LGI2: variants seen among roughly 807,000 people sequenced by gnomAD.
LGI2 encodes the protein leucine-rich repeat LGI family member 2.
Under a neutral mutation model 52.0 loss-of-function variants are expected in LGI2, and 30 were observed. That is an observed-to-expected ratio of 0.58 (90% CI 0.43 to 0.78). LGI2 has a LOEUF of 0.78. Ranked by LOEUF, LGI2 falls within the 30% of genes least tolerant of loss-of-function variation. The pLI, the probability that LGI2 is intolerant of heterozygous loss-of-function variation, is 0.00. For synonymous variants in LGI2, 270 were observed against 271.8 expected (o/e 0.99, Z 0.06); for missense variants, 573 against 692.5 (o/e 0.83, Z 1.94).
chr4:24,996,637 C>G (rs1003759120), downstream of LGI2, among the ~76,000 whole-genome samples: 1 of 152,190 alleles, frequency 6.6e-6, no homozygotes, highest in Non-Finnish European at 1.5e-5. Context: ...GCAGCCCACA[C>G]CACCTTGGAA....
intron 1 of LGI2, among the ~76,000 whole-genome samples, chr4:25,029,837 C>CA (rs1560296598): frequency 1.3e-5 from 2 of 152,238 alleles, no homozygotes; most frequent in African/African-American, 2.4e-5. Context: ...CAACATGCCC[C>CA]AAACCTCTGC....
At chr4:25,014,492 A>C (rs1168915552) in intron 6 of LGI2, among the ~76,000 whole-genome samples, 1 of 134,896 alleles carries the variant, frequency 7.4e-6, no homozygotes, top group Non-Finnish European at 1.6e-5. Context: ...GCCAAAAAAA[A>C]GGAAGGAGAA....
chr4:25,015,523 T>G (rs1346480135), intron 6 of LGI2, among the ~76,000 whole-genome samples: 2 of 152,134 alleles, frequency 1.3e-5, no homozygotes, highest in Non-Finnish European at 2.9e-5. Context: ...CCTTCCTCTC[T>G]CTGGGAAAAA....
chr4:25,015,607 A>G (rs755597511), intron 6 of LGI2, among the ~76,000 whole-genome samples: 9 of 152,176 alleles, frequency 5.9e-5, no homozygotes, highest in South Asian at 2.1e-4. Context: ...TATTCAGAAA[A>G]TGTGCTTCTT....
downstream of LGI2, among the ~76,000 whole-genome samples, chr4:24,993,878 T>C (rs771972080): frequency 9.9e-5 from 15 of 152,204 alleles, no homozygotes; most frequent in Non-Finnish European, 2.1e-4. Flanking sequence ...TTCAGCAATA[T>C]GTGCAGAACG....
chr4:25,021,596 C>T (rs1725960404), intron 4 of LGI2, among the ~76,000 whole-genome samples: 1 of 152,022 alleles, frequency 6.6e-6, no homozygotes, highest in Non-Finnish European at 1.5e-5. Flanking sequence ...ATATTAAATG[C>T]TTGAATTACT....
At position 24,999,136 on chromosome 4, in the gene LGI2, A is replaced by C. The variant is rs1048580679; in HGVS notation, c.*4315T>G. 4.6e-5 allele frequency: 7 copies of C among 152,230 alleles called. No individual in the cohort carries two copies. The highest frequency in any genetic ancestry group is 1.7e-4 in the African/African-American group (7 of 41,462). The allele number at this position is 152,230 out of a possible 1,614,324, so 9.4% of individuals were successfully genotyped here. A position where few individuals can be genotyped will look rare whatever the true frequency, so the allele number is the denominator to read the frequency against. On this transcript the variant is annotated 3_prime_UTR_variant, in exon 8 of 8. Transcript: ENST00000382114. ...TCAAAGGGACTGATAGGGAATGCATAGTTTCCTACTAGAAAAAAAGTAGAT... is the reference window on the plus strand; with the variant it reads ...TCAAAGGGACTGATAGGGAATGCATCGTTTCCTACTAGAAAAAAAGTAGAT...
intron 1 of LGI2, among the ~76,000 whole-genome samples, chr4:25,028,987 C>T (rs535876111): frequency 1.9e-4 from 29 of 152,136 alleles, no homozygotes; most frequent in Non-Finnish European, 4.1e-4. Flanking sequence ...TTAAGCATTC[C>T]TCTTGGGACC....
rs768732125 is a variant in LGI2 at position 25,003,440 on chromosome 4, C to G, written c.*11G>C. ...AATGCTACATTTCTCTTAGTTTCAC[C>G]CACCACACCTTCACAAACTTAAGTC... On this transcript the variant is annotated 3_prime_UTR_variant, in exon 8 of 8. Coordinates refer to ENST00000382114, the MANE Select transcript of LGI2 (RefSeq NM_018176.4). 6.5e-7 allele frequency: 1 copy of G among 1,536,304 alleles called. No homozygotes were observed. The highest frequency in any genetic ancestry group is 8.8e-7 in the Non-Finnish European group (1 of 1,140,628).
At chr4:24,992,319 T>C in the LGI2 span, among the ~76,000 whole-genome samples, 1 of 152,074 alleles carries the variant, frequency 6.6e-6, no homozygotes, top group African/African-American at 2.4e-5. Flanking sequence ...CCCCCCACCA[T>C]GTCCTAAGCT....
Position 25,018,086 on chromosome 4 carries a change from A to C in LGI2, c.558T>G (p.Asn186Lys). ...KWLYLWLKMT[N>K]STVSDVLCIG... ...TACACAGCACATCAGAAACGGTGGA[A>C]TTTGTCATCTTCAACCACAGGTATA... is the stretch of plus-strand genomic sequence containing the variant. The change falls in exon 6 of 8, where the codon AAT (asparagine) becomes AAG (lysine). Residue 186 changes from asparagine (N) to lysine (K), a missense_variant. By Grantham distance (94) the Asn-to-Lys change is moderately conservative. Coordinates refer to ENST00000382114, the MANE Select transcript of LGI2 (RefSeq NM_018176.4). 4 of 1,613,782 alleles carry C rather than the reference A, an allele frequency of 2.5e-6. No homozygotes were observed. The highest frequency in any genetic ancestry group is 3.4e-6 in the Non-Finnish European group (4 of 1,179,926).
At chr4:24,994,633 C>T (rs555746616), downstream of LGI2, among the ~76,000 whole-genome samples, 3 of 152,246 alleles carry the variant, frequency 2.0e-5, no homozygotes, top group South Asian at 2.1e-4. Flanking sequence ...CCAGGTATGT[C>T]GAAATGTGTG....
chr4:25,012,215 C>T, intron 7 of LGI2, 120 bp downstream of exon 7: 1 of 1,128,386 alleles, frequency 8.9e-7, no homozygotes, highest in Non-Finnish European at 1.3e-6. Context: ...GGACGTGTTC[C>T]CCAGCTCTAA....
intron 3 of LGI2, among the ~76,000 whole-genome samples, chr4:25,025,831 A>G (rs1462989605): frequency 6.6e-6 from 1 of 152,190 alleles, no homozygotes; most frequent in African/African-American, 2.4e-5. Context: ...TAAACTGATG[A>G]GCTAACTTCC....
At chr4:25,015,821 C>T (rs1725739197) in intron 6 of LGI2, among the ~76,000 whole-genome samples, 1 of 152,164 alleles carries the variant, frequency 6.6e-6, no homozygotes, top group Admixed American at 6.5e-5. Context: ...AGTTCTTACA[C>T]AGCGGGGCCT....
intron 6 of LGI2, among the ~76,000 whole-genome samples, chr4:25,014,110 C>T (rs1244844887): frequency 1.3e-5 from 2 of 152,160 alleles, no homozygotes; most frequent in African/African-American, 2.4e-5. Flanking sequence ...CGGTTGCATT[C>T]GACTACTCCG....
chr4:25,004,459 C>G lies in LGI2; in HGVS notation c.821-191G>C, dbSNP rs1725341462. Reference sequence around the variant, plus strand: ...AGCAATTCCACTTCTTTGTATATACCCAAAATAATTGAAAGCAGTGACTCA... The same window carrying G: ...AGCAATTCCACTTCTTTGTATATACGCAAAATAATTGAAAGCAGTGACTCA... On this transcript the variant is annotated intron_variant, in intron 7 of 7. Transcript: ENST00000382114. This position sits in a 1 kb window ranked among gnomAD's most constrained non-coding sequence, Gnocchi z 4.6. Among the ~76,000 whole-genome samples the G allele has an allele frequency of 6.6e-6, 1 of 152,090 alleles. No homozygotes were observed. Among genetic ancestry groups the G allele is most frequent in the African/African-American group, 2.4e-5 (1 of 41,372 alleles).
chr4:25,024,939 T>C (rs1223144896), intron 3 of LGI2, 48 bp from the exon 4 acceptor site: 3 of 1,271,152 alleles, frequency 2.4e-6, no homozygotes, highest in Non-Finnish European at 2.2e-6. Flanking sequence ...CTCCTTAGTA[T>C]CCCAAAAAAA....
intron 6 of LGI2, among the ~76,000 whole-genome samples, chr4:25,017,696 C>A (rs370037364): frequency 5.3e-5 from 8 of 152,088 alleles, no homozygotes; most frequent in African/African-American, 1.9e-4. Context: ...AAAATGTTCT[C>A]CTGCCAAACC....
Sources: gnomAD v4.1 joint callset for allele counts (sites outside exome capture counted in the v4.1 genomes callset) on GRCh38, gnomAD v4.1.1 for gene constraint, Gnocchi (gnomAD v3.1) non-coding constraint, MANE v1.5 for transcripts, NCBI Gene and HGNC (gene_info 2026-07-23, HGNC 2026-07-21) for gene names.